PRKG1: variants seen among roughly 807,000 people sequenced by gnomAD.
The protein encoded by PRKG1 is protein kinase cGMP-dependent 1.
Under a neutral mutation model 88.1 loss-of-function variants are expected in PRKG1, and 35 were observed. That is an observed-to-expected ratio of 0.40 (90% CI 0.30 to 0.53). PRKG1 has a LOEUF of 0.53. Among genes scored for constraint, PRKG1 ranks in the 20% least tolerant of loss-of-function variants. PRKG1 has a pLI of 0.59. For synonymous variants in PRKG1, 303 were observed against 292.5 expected (o/e 1.04, Z -0.37); for missense variants, 540 against 839.8 (o/e 0.64, Z 4.41).
At chr10:51,920,666 C>T (rs181126730) in intron 5 of PRKG1, among the ~76,000 whole-genome samples, 2 of 152,056 alleles carry the variant, frequency 1.3e-5, no homozygotes, top group African/African-American at 4.8e-5. Context: ...TTCAATCATT[C>T]CTTAGCTATG....
chr10:52,126,509 CT>C (rs780898433), intron 7 of PRKG1, among the ~76,000 whole-genome samples: 12 of 151,904 alleles, frequency 7.9e-5, no homozygotes, highest in Non-Finnish European at 1.2e-4. Flanking sequence ...AAAAATACTT[CT>C]TTTTCTTTCT....
chr10:51,353,461 T>C (rs1209858631), intron 2 of PRKG1, among the ~76,000 whole-genome samples: 1 of 151,394 alleles, frequency 6.6e-6, no homozygotes, highest in South Asian at 2.1e-4. Flanking sequence ...GAAAAAAGTA[T>C]AAGAATGTGA....
intron 7 of PRKG1, among the ~76,000 whole-genome samples, chr10:52,112,752 C>G (rs1847593817): frequency 6.6e-6 from 1 of 152,122 alleles, no homozygotes; most frequent in African/African-American, 2.4e-5. Context: ...ACATTTACCT[C>G]TAAGCAGCTG....
chr10:51,846,847 T>A (rs1840411063), intron 4 of PRKG1, among the ~76,000 whole-genome samples: 1 of 152,178 alleles, frequency 6.6e-6, no homozygotes, highest in African/African-American at 2.4e-5. Flanking sequence ...ATGGATTTGA[T>A]CCTCGAATGG....
At chr10:52,212,953 A>G (rs1381925357) in intron 9 of PRKG1, among the ~76,000 whole-genome samples, 1 of 152,206 alleles carries the variant, frequency 6.6e-6, no homozygotes, top group Non-Finnish European at 1.5e-5. Flanking sequence ...TTAGATATAC[A>G]TGGGAAAGTT....
intron 3 of PRKG1, among the ~76,000 whole-genome samples, chr10:51,778,868 C>T (rs1396697539): frequency 6.6e-6 from 1 of 152,126 alleles, no homozygotes; most frequent in Non-Finnish European, 1.5e-5. Context: ...GAAATCCCTA[C>T]ATATTTTGAT....
intron 3 of PRKG1, among the ~76,000 whole-genome samples, chr10:51,495,885 C>T (rs1171863769): frequency 6.6e-6 from 1 of 152,138 alleles, no homozygotes; most frequent in African/African-American, 2.4e-5. Flanking sequence ...TTTGTCTACC[C>T]AGTGCAGAAG....
intron 6 of PRKG1, 88 bp downstream of exon 6, chr10:52,054,649 G>A (rs1001527538): frequency 2.5e-5 from 28 of 1,121,180 alleles, no homozygotes; most frequent in African/African-American, 4.7e-5. Flanking sequence ...AGAGTCTTGT[G>A]CTATATGAGT....
chr10:51,387,480 T>A lies in PRKG1; in HGVS notation c.479-80243T>A, dbSNP rs532915786. 2.6e-5 allele frequency among the ~76,000 whole-genome samples: 4 copies of A among 151,940 alleles called. No individual in the cohort carries two copies. In the South Asian group the frequency reaches 8.3e-4, roughly 32 times the overall value. On this transcript the variant is annotated intron_variant, in intron 2 of 17. Coordinates refer to ENST00000373980, the MANE Select transcript of PRKG1 (RefSeq NM_006258.4). ...TTCTTTGGCTATAAAGTCCTTGCAG[T>A]CCATCACACCTCTTTTTAGAGATGA...
At chr10:51,029,872 TG>T (rs1210371226) in intron 1 of PRKG1, among the ~76,000 whole-genome samples, 1 of 152,150 alleles carries the variant, frequency 6.6e-6, no homozygotes, top group African/African-American at 2.4e-5. Flanking sequence ...CTGTGTAACC[TG>T]GGGCAAGTAG....
intron 4 of PRKG1, among the ~76,000 whole-genome samples, chr10:51,862,324 T>C (rs1445588132): frequency 1.3e-5 from 2 of 152,128 alleles, no homozygotes; most frequent in African/African-American, 4.8e-5. Flanking sequence ...CCCCTGTTGT[T>C]TGGCAAGTGG....
chr10:52,155,587 A>G (rs560108494), intron 8 of PRKG1, among the ~76,000 whole-genome samples: 2 of 152,016 alleles, frequency 1.3e-5, no homozygotes, highest in Non-Finnish European at 2.9e-5. Context: ...AACCAATACA[A>G]TTTCAACTTT....
chr10:52,134,480 G>T (rs920556273), intron 8 of PRKG1, among the ~76,000 whole-genome samples: 1 of 152,032 alleles, frequency 6.6e-6, no homozygotes, highest in South Asian at 2.1e-4. Context: ...CTCAGTTCTG[G>T]CTTGCTCTTT....
chr10:52,052,952 C>T (rs984661607), intron 5 of PRKG1, among the ~76,000 whole-genome samples: 1 of 152,164 alleles, frequency 6.6e-6, no homozygotes, highest in Admixed American at 6.5e-5. Context: ...TAAATGAATA[C>T]ATGAAAGTGG....
intron 8 of PRKG1, among the ~76,000 whole-genome samples, chr10:52,141,749 T>TA (rs886240625): frequency 6.6e-6 from 1 of 152,074 alleles, no homozygotes; most frequent in African/African-American, 2.4e-5. Flanking sequence ...AAATTATTGT[T>TA]AAAAAATGTA....
At chr10:51,956,943 TTC>T (rs143725296) in intron 5 of PRKG1, among the ~76,000 whole-genome samples, 14,260 of 151,892 alleles carry the variant, frequency 0.094, 753 homozygotes, top group Admixed American at 0.13. Context: ...GGGACAAATT[TTC>T]TTTCTTTCCT....
intron 3 of PRKG1, among the ~76,000 whole-genome samples, chr10:51,529,564 A>G (rs1232981381): frequency 2.0e-5 from 3 of 151,112 alleles, no homozygotes; most frequent in African/African-American, 7.3e-5. Context: ...TTTCCAAAAC[A>G]CTCTTTTGTT....
intron 2 of PRKG1, among the ~76,000 whole-genome samples, chr10:51,324,861 G>A (rs1433290075): frequency 6.6e-6 from 1 of 152,218 alleles, no homozygotes; most frequent in Non-Finnish European, 1.5e-5. Flanking sequence ...AAACATGGGA[G>A]TGCAGATATC....
chr10:51,045,369 T>A (rs1843475159), intron 1 of PRKG1, among the ~76,000 whole-genome samples: 1 of 152,136 alleles, frequency 6.6e-6, no homozygotes, highest in Non-Finnish European at 1.5e-5. Context: ...TCGCCCAGGC[T>A]GGAGTGCAGT....
Sources: allele counts gnomAD v4.1 joint callset (sites outside exome capture counted in the v4.1 genomes callset), GRCh38; gene constraint gnomAD v4.1.1; transcripts MANE v1.5; gene names NCBI Gene and HGNC (gene_info 2026-07-23, HGNC 2026-07-21).